Variants in RBM23 observed in about 807,000 individuals in gnomAD.
The protein encoded by RBM23 is RNA binding motif protein 23, also known as probable RNA-binding protein 23.
In RBM23, 53 loss-of-function variants were observed where a neutral mutation model predicts 56.2. The observed-to-expected ratio is 0.94, with a 90% CI of 0.76 to 1.19. The LOEUF is 1.19. Among genes scored for constraint, RBM23 ranks in the 50% most tolerant of loss-of-function variants. The pLI is 0.00. For missense variants in RBM23, 642 were observed against 590.3 expected, an observed-to-expected ratio of 1.09 and a Z score of -0.91; for synonymous variants, 197 against 198.5, an observed-to-expected ratio of 0.99 and a Z score of 0.06.
At position 22,904,311 on chromosome 14, in the gene RBM23, G is replaced by A. The variant is rs773628959; in HGVS notation, c.880C>T (p.Leu294=). ...EPFGKIDNIV[L]MKDSDTGRSK... Reference sequence around the variant, plus strand: ...CGGCCTGTATCTGAGTCCTTCATCAGGACAATATTATCAATCTGTAGAAGA... The same window carrying A: ...CGGCCTGTATCTGAGTCCTTCATCAAGACAATATTATCAATCTGTAGAAGA... The change falls in exon 10 of 14, where the codon CTG becomes TTG. Residue 294 remains leucine (L), a synonymous_variant. Coordinates refer to ENST00000359890, the MANE Select transcript of RBM23 (RefSeq NM_001077351.2). 5.1e-5 allele frequency: 82 copies of A among 1,609,042 alleles called. No homozygotes were observed. Among genetic ancestry groups the A allele is most frequent in the Non-Finnish European group, 6.5e-5 (77 of 1,175,848 alleles).
Position 22,905,585 on chromosome 14 carries a change from CAG to C in RBM23, c.455+19_455+20del. On this transcript the variant is annotated intron_variant, in intron 6 of 13. Coordinates refer to ENST00000359890, the MANE Select transcript of RBM23 (RefSeq NM_001077351.2). ...TATTCATACCTCACAATCCCTAAAA[CAG>C]TGTTCATTATCAACCCACCTGACTG... is the stretch of plus-strand genomic sequence containing the variant. 1 of 1,608,332 alleles carries C rather than the reference CAG, an allele frequency of 6.2e-7. No individual in the cohort carries two copies. The highest frequency in any genetic ancestry group is 8.5e-7 in the Non-Finnish European group (1 of 1,174,626).
At chr14:22,911,124 G>A (rs867307954) in intron 2 of RBM23, among the ~76,000 whole-genome samples, 13 of 152,326 alleles carry the variant, frequency 8.5e-5, no homozygotes, top group African/African-American at 2.6e-4. Context: ...TGCCCACTCC[G>A]GTTTCTGAGG....
chr14:22,907,044 C>T (rs1190225020), intron 4 of RBM23, among the ~76,000 whole-genome samples: 3 of 152,144 alleles, frequency 2.0e-5, no homozygotes, highest in Non-Finnish European at 2.9e-5. Flanking sequence ...TGTGGTGGTG[C>T]GCAACTGTAA....
In RBM23 at chr14:22,893,858, T is replaced by C. The variant is rs1462890294; in HGVS notation, c.*7872A>G. 4 of 152,256 alleles carry C rather than the reference T, an allele frequency of 2.6e-5. No individual in the cohort carries two copies. The East Asian group carries it at 7.7e-4, about 29-fold the overall frequency. The allele number at this position is 152,256 out of a possible 1,614,324, so 9.4% of individuals were successfully genotyped here. On this transcript the variant is annotated 3_prime_UTR_variant, in exon 14 of 14. Coordinates refer to ENST00000359890, the MANE Select transcript of RBM23 (RefSeq NM_001077351.2). ...CCCTTTTCATCTATTTGAATATTGATGTCAAGTTTCCACAGCTTAGTGGCC... is the reference window on the plus strand; with the variant it reads ...CCCTTTTCATCTATTTGAATATTGACGTCAAGTTTCCACAGCTTAGTGGCC...
chr14:22,903,832 G>A (rs547306362), intron 10 of RBM23: 119 of 1,108,714 alleles, frequency 1.1e-4, no homozygotes, highest in Admixed American at 1.4e-4. Context: ...GATCCTTCTC[G>A]GTGCAGAAAT....
chr14:22,916,130 C>T (rs189856719), intron 1 of RBM23, among the ~76,000 whole-genome samples: 6 of 152,258 alleles, frequency 3.9e-5, no homozygotes, highest in Non-Finnish European at 8.8e-5. Context: ...ATGGAAGGAT[C>T]GCTTGAACCC....
intron 2 of RBM23, among the ~76,000 whole-genome samples, chr14:22,910,534 G>A (rs1273237447): frequency 2.0e-5 from 3 of 150,750 alleles, no homozygotes; most frequent in Non-Finnish European, 4.4e-5. Context: ...AGGGATGGGA[G>A]GAGAGGGCAG....
chr14:22,911,563 C>A, intron 1 of RBM23, 160 bp from the exon 2 acceptor site: 1 of 561,312 alleles, frequency 1.8e-6, no homozygotes, highest in South Asian at 2.0e-5. Context: ...GTCACTTACT[C>A]TAGGTTTATT....
rs569639161 is a variant in RBM23 at position 22,899,186 on chromosome 14, G to C, written c.*2544C>G. 1.3e-5 allele frequency: 2 copies of C among 152,314 alleles called. No homozygotes were observed. Among genetic ancestry groups the C allele is most frequent in the African/African-American group, 4.8e-5 (2 of 41,574 alleles). The allele number at this position is 152,314 out of a possible 1,614,324, so 9.4% of individuals were successfully genotyped here. On this transcript the variant is annotated 3_prime_UTR_variant, in exon 14 of 14. Transcript: ENST00000359890. ...GAGGTGACTGAGTCACAAGGACAGA[G>C]CCCTCATGAGTGGATTAATGTCACT...
rs781054629 is a variant in RBM23 at position 22,919,116 on chromosome 14, G to C, written c.-128C>G. ...CAAGAAAAGCAGCACTGCAGGTACA[G>C]AGCCTCCTCTTCCCGCAAAATGGCG... On this transcript the variant is annotated 5_prime_UTR_variant, in exon 1 of 14. Coordinates refer to ENST00000359890, the MANE Select transcript of RBM23 (RefSeq NM_001077351.2). 1 of 152,278 alleles carries C rather than the reference G, an allele frequency of 6.6e-6. No individual in the cohort carries two copies. Among genetic ancestry groups the C allele is most frequent in the Non-Finnish European group, 1.5e-5 (1 of 68,122 alleles). The allele number at this position is 152,278 out of a possible 1,614,324, so 9.4% of individuals were successfully genotyped here. A position where few individuals can be genotyped will look rare whatever the true frequency, so the allele number is the denominator to read the frequency against.
In RBM23 at chr14:22,901,156, C is replaced by CA. The variant is rs764347537; in HGVS notation, c.*573dup. 60 of 157,510 alleles carry CA rather than the reference C, an allele frequency of 3.8e-4. No individual in the cohort carries two copies. The highest frequency in any genetic ancestry group is 7.4e-4 in the Non-Finnish European group (53 of 71,400). 9.8% of individuals were successfully genotyped at this position (157,510 alleles called of 1,614,324 possible). ...GATAGATCACTTCCATGCCTCCTAG[C>CA]AAGATGCTGAGGCTACAGTAGGTCT... On this transcript the variant is annotated 3_prime_UTR_variant, in exon 14 of 14. Coordinates refer to ENST00000359890, the MANE Select transcript of RBM23 (RefSeq NM_001077351.2).
chr14:22,908,297 G>T, intron 4 of RBM23, 36 bp downstream of exon 4: 1 of 1,547,168 alleles, frequency 6.5e-7, no homozygotes. Context: ...TAGGATTAAA[G>T]ATACGAGCCA....
At chr14:22,915,479 A>C (rs1057417081) in intron 1 of RBM23, among the ~76,000 whole-genome samples, 1 of 147,694 alleles carries the variant, frequency 6.8e-6, no homozygotes, top group African/African-American at 2.5e-5. Flanking sequence ...GATTACAGGC[A>C]TAAGCCCCAT....
chr14:22,910,377 C>T (rs1005694059), intron 2 of RBM23, among the ~76,000 whole-genome samples: 2 of 130,708 alleles, frequency 1.5e-5, no homozygotes, highest in African/African-American at 5.8e-5. Flanking sequence ...CGCCTGAACC[C>T]GGAGGCAGAG....
rs766310740 is a variant in RBM23, at chr14:22,901,510, T to C, written c.*220A>G. On this transcript the variant is annotated 3_prime_UTR_variant, in exon 14 of 14. Transcript: ENST00000359890. Reference sequence around the variant, plus strand: ...TATTCAATGCAGGTGTGGATTCTGTTCTCTTCAACTGGTGGCTTTGCTCAG... The same window carrying C: ...TATTCAATGCAGGTGTGGATTCTGTCCTCTTCAACTGGTGGCTTTGCTCAG... 63 of 634,634 alleles carry C rather than the reference T, an allele frequency of 9.9e-5. No individual in the cohort carries two copies. The highest frequency in any genetic ancestry group is 4.3e-4 in the Middle Eastern group (1 of 2,302). 39.3% of individuals were successfully genotyped at this position (634,634 alleles called of 1,614,324 possible).
rs1353134557 is a variant in RBM23, at chr14:22,894,106, G to T, written c.*7624C>A. The T allele has an allele frequency of 1.3e-5, 2 of 152,162 alleles. No individual in the cohort carries two copies. Among genetic ancestry groups the T allele is most frequent in the African/African-American group, 2.4e-5 (1 of 41,428 alleles). The allele number at this position is 152,162 out of a possible 1,614,324, so 9.4% of individuals were successfully genotyped here. ...AGCAAAGATCTTTGTAATTTCTCAA[G>T]CATTATACAGAGAAGCGGTGGAAGT... On this transcript the variant is annotated 3_prime_UTR_variant, in exon 14 of 14. Coordinates refer to ENST00000359890, the MANE Select transcript of RBM23 (RefSeq NM_001077351.2).
At chr14:22,908,968 A>T (rs1566568979) in intron 3 of RBM23, among the ~76,000 whole-genome samples, 1 of 149,996 alleles carries the variant, frequency 6.7e-6, no homozygotes, top group Non-Finnish European at 1.5e-5. Flanking sequence ...TTTGAGACAG[A>T]GTCTCACTCT....
chr14:22,897,430 A>T lies in RBM23; in HGVS notation c.*4300T>A, dbSNP rs1470817532. The T allele has an allele frequency of 6.6e-6, 1 of 152,162 alleles. No homozygotes were observed. The highest frequency in any genetic ancestry group is 2.4e-5 in the African/African-American group (1 of 41,440). 9.4% of individuals were successfully genotyped at this position (152,162 alleles called of 1,614,324 possible). On this transcript the variant is annotated 3_prime_UTR_variant, in exon 14 of 14. Transcript: ENST00000359890. ...CAGGACTTTGATCAGCAGAAGGAGG[A>T]AAGGAAGAGAGATAGCTGGCAGGTT...
In RBM23 at chr14:22,906,258, GACTC is replaced by G. The variant is rs1566554197; in HGVS notation, c.334_337del (p.Glu112ArgfsTer46). The G allele has an allele frequency of 6.2e-7, 1 of 1,614,176 alleles. No individual in the cohort carries two copies. Among genetic ancestry groups the G allele is most frequent in the East Asian group, 2.2e-5 (1 of 44,890 alleles). Reference sequence around the variant, plus strand: ...CTCACGACGATGGTCCCGACTTCGCGACTCACTACCATGTCGACGATCCCAGCTA... The same window carrying G: ...CTCACGACGATGGTCCCGACTTCGCGACTACCATGTCGACGATCCCAGCTA... On this transcript the variant is annotated frameshift_variant, in exon 5 of 14. Coordinates refer to ENST00000359890, the MANE Select transcript of RBM23 (RefSeq NM_001077351.2). LOFTEE classifies it high-confidence loss of function.
Sources: allele counts gnomAD v4.1 joint callset (sites outside exome capture counted in the v4.1 genomes callset), GRCh38; gene constraint gnomAD v4.1.1; transcripts MANE v1.5; gene names NCBI Gene and HGNC (gene_info 2026-07-23, HGNC 2026-07-21).